Variants in ZSWIM6 observed in about 807,000 individuals in gnomAD.
ZSWIM6 encodes the protein zinc finger SWIM-type containing 6, also known as zinc finger SWIM domain-containing protein 6.
Under a neutral mutation model 113.2 loss-of-function variants are expected in ZSWIM6, and 9 were observed. The ratio of observed to expected loss-of-function variants is 0.08; its 90% CI spans 0.05 to 0.14. The LOEUF (loss-of-function observed/expected upper bound fraction) is 0.14. Among genes scored for constraint, ZSWIM6 ranks in the 10% least tolerant of loss-of-function variants. ZSWIM6 has a pLI of 1.00. For missense variants in ZSWIM6, 1,162 were observed against 1,552.2 expected (o/e 0.75, Z 4.22); for synonymous variants, 611 against 606.5 (o/e 1.01, Z -0.11).
At chr5:61,399,333 TA>T (rs1241977963) in intron 1 of ZSWIM6, among the ~76,000 whole-genome samples, 1 of 151,844 alleles carries the variant, frequency 6.6e-6, no homozygotes, top group Non-Finnish European at 1.5e-5. Flanking sequence ...TAAATCCTAA[TA>T]TGTGACTTCG....
chr5:61,383,626 C>T (rs1745530624), intron 1 of ZSWIM6, among the ~76,000 whole-genome samples: 1 of 151,942 alleles, frequency 6.6e-6, no homozygotes. Flanking sequence ...ACCTCCGCCT[C>T]CCCAGTTCAA....
intron 1 of ZSWIM6, among the ~76,000 whole-genome samples, chr5:61,443,612 A>G (rs1746883896): frequency 6.6e-6 from 1 of 152,180 alleles, no homozygotes; most frequent in African/African-American, 2.4e-5. Flanking sequence ...TTGATATCAC[A>G]AAATAGGATC....
chr5:61,412,486 G>A (rs1034300221), intron 1 of ZSWIM6, among the ~76,000 whole-genome samples: 1 of 152,144 alleles, frequency 6.6e-6, no homozygotes. Flanking sequence ...TATGTTATTT[G>A]GGGCAGCTGG....
At chr5:61,381,394 T>G (rs745940554) in intron 1 of ZSWIM6, among the ~76,000 whole-genome samples, 2 of 152,268 alleles carry the variant, frequency 1.3e-5, no homozygotes, top group Non-Finnish European at 2.9e-5. Context: ...TTCTGGGACT[T>G]ACTTTTTAAA....
At chr5:61,433,753 G>T (rs1746635511) in intron 1 of ZSWIM6, among the ~76,000 whole-genome samples, 2 of 151,970 alleles carry the variant, frequency 1.3e-5, no homozygotes, top group Non-Finnish European at 1.5e-5. Flanking sequence ...GGGATTACAG[G>T]CGTGAGCCAC....
At chr5:61,357,212 C>G (rs1164094215) in intron 1 of ZSWIM6, among the ~76,000 whole-genome samples, 1 of 152,014 alleles carries the variant, frequency 6.6e-6, no homozygotes, top group Non-Finnish European at 1.5e-5. Context: ...GAGAAACTAC[C>G]CTTAAGTTTT....
chr5:61,364,362 A>G (rs1227679342), intron 1 of ZSWIM6, among the ~76,000 whole-genome samples: 1 of 152,258 alleles, frequency 6.6e-6, no homozygotes, highest in African/African-American at 2.4e-5. Flanking sequence ...TATGGCCCAC[A>G]GGCCAAATCT....
Position 61,543,392 on chromosome 5 carries a change from A to G in ZSWIM6, c.2786-63A>G. 3 of 1,482,514 alleles carry G rather than the reference A, an allele frequency of 2.0e-6. No homozygotes were observed. Among genetic ancestry groups the G allele is most frequent in the Non-Finnish European group, 2.7e-6 (3 of 1,115,944 alleles). 91.8% of individuals were successfully genotyped at this position (1,482,514 alleles called of 1,614,324 possible). On this transcript the variant is annotated intron_variant, in intron 13 of 13. Coordinates refer to ENST00000252744, the MANE Select transcript of ZSWIM6 (RefSeq NM_020928.2). This position sits in a 1 kb window ranked among gnomAD's most constrained non-coding sequence, Gnocchi z 4.3. ...TGTAAACACTGGTTGTAAAAGTCAAAATAAGGCAGGACCTCTGGGCAGCCT... is the reference window on the plus strand; with the variant it reads ...TGTAAACACTGGTTGTAAAAGTCAAGATAAGGCAGGACCTCTGGGCAGCCT...
At chr5:61,398,787 G>A (rs974178443) in intron 1 of ZSWIM6, among the ~76,000 whole-genome samples, 2 of 152,084 alleles carry the variant, frequency 1.3e-5, no homozygotes, top group African/African-American at 4.8e-5. Flanking sequence ...TCTGAGTTAT[G>A]AAGCAAACTG....
chr5:61,526,402 T>C lies in ZSWIM6; in HGVS notation c.1837+6T>C. The stretch of plus-strand genomic sequence containing the variant: ...GTTCCGAACCCAAAAAAAAGGTGAA[T>C]GTGAAGGAGTTTGTTTCCATTGGAA... On this transcript the variant is annotated splice_donor_region_variant and intron_variant, in intron 7 of 13. Transcript: ENST00000252744. The C allele has an allele frequency of 1.3e-6, 2 of 1,551,880 alleles. No individual in the cohort carries two copies. Among genetic ancestry groups the C allele is most frequent in the East Asian group, 2.4e-5 (1 of 40,902 alleles).
intron 1 of ZSWIM6, among the ~76,000 whole-genome samples, chr5:61,392,689 C>T (rs533409514): frequency 3.3e-5 from 5 of 152,036 alleles, no homozygotes; most frequent in South Asian, 2.1e-4. Context: ...CGCAGCTCAC[C>T]GCAACCTCCG....
At chr5:61,368,798 G>C (rs138927001) in intron 1 of ZSWIM6, among the ~76,000 whole-genome samples, 1 of 152,328 alleles carries the variant, frequency 6.6e-6, no homozygotes, top group East Asian at 1.9e-4. Flanking sequence ...TGGAGATCTG[G>C]TAAGGGGAGG....
In ZSWIM6 at chr5:61,543,050, C is replaced by T. The variant is rs1580076012; in HGVS notation, c.2786-405C>T. On this transcript the variant is annotated intron_variant, in intron 13 of 13. Coordinates refer to ENST00000252744, the MANE Select transcript of ZSWIM6 (RefSeq NM_020928.2). This position sits in a 1 kb window ranked among gnomAD's most constrained non-coding sequence, Gnocchi z 4.3. ...GTTTTAAACTTTTGTATTATGTGTA[C>T]TTTTACCTTACACACAAGCACATAA... 6.6e-6 allele frequency among the ~76,000 whole-genome samples: 1 copy of T among 152,156 alleles called. No individual in the cohort carries two copies.
intron 1 of ZSWIM6, among the ~76,000 whole-genome samples, chr5:61,424,965 G>A (rs1485837204): frequency 1.3e-5 from 2 of 151,992 alleles, no homozygotes; most frequent in Admixed American, 1.3e-4. Context: ...TGATCCACCT[G>A]CCTCGGGCTC....
intron 1 of ZSWIM6, among the ~76,000 whole-genome samples, chr5:61,386,574 A>G (rs2112086882): frequency 6.6e-6 from 1 of 152,324 alleles, no homozygotes; most frequent in East Asian, 1.9e-4. Context: ...GGCACAGCTG[A>G]CAAAACCAGA....
intron 1 of ZSWIM6, among the ~76,000 whole-genome samples, chr5:61,343,362 A>G (rs1325725239): frequency 1.3e-5 from 2 of 152,248 alleles, no homozygotes; most frequent in Non-Finnish European, 2.9e-5. Flanking sequence ...TTTCATTGTT[A>G]GTTGGTATCA....
At chr5:61,502,457 G>A (rs756975416) in intron 4 of ZSWIM6, among the ~76,000 whole-genome samples, 2 of 152,156 alleles carry the variant, frequency 1.3e-5, no homozygotes, top group Non-Finnish European at 2.9e-5. Flanking sequence ...CTGAAGGGAC[G>A]AGGCAGATCC....
At chr5:61,384,832 CG>C (rs1340360751) in intron 1 of ZSWIM6, among the ~76,000 whole-genome samples, 1 of 151,982 alleles carries the variant, frequency 6.6e-6, no homozygotes, top group African/African-American at 2.4e-5. Context: ...CCGAGGCAGG[CG>C]GATCACGAGG....
intron 1 of ZSWIM6, among the ~76,000 whole-genome samples, chr5:61,428,072 A>G (rs1031449317): frequency 6.6e-6 from 1 of 152,164 alleles, no homozygotes; most frequent in Non-Finnish European, 1.5e-5. Context: ...GTATATGCCC[A>G]TTAGATCTCA....
Sources: allele counts gnomAD v4.1 joint callset (sites outside exome capture counted in the v4.1 genomes callset), GRCh38; gene constraint gnomAD v4.1.1; non-coding constraint Gnocchi (gnomAD v3.1); transcripts MANE v1.5; gene names NCBI Gene and HGNC (gene_info 2026-07-23, HGNC 2026-07-21).